Variants in PCDHGA5 observed in about 807,000 individuals in gnomAD.
The protein encoded by PCDHGA5 is protocadherin gamma subfamily A, 5, also known as protocadherin gamma-A5.
A neutral mutation model predicts 56.7 loss-of-function variants in PCDHGA5; 36 were observed. The ratio of observed to expected loss-of-function variants is 0.64; its 90% CI spans 0.49 to 0.84. The LOEUF is 0.84. PCDHGA5 is among the 40% of genes least tolerant of loss of function. The pLI is 0.00. For synonymous variants in PCDHGA5, 563 were observed against 520.2 expected, an observed-to-expected ratio of 1.08 and a Z score of -1.12; for missense variants, 1,305 against 1,201.5, an observed-to-expected ratio of 1.09 and a Z score of -1.27.
intron 1 of PCDHGA5, chr5:141,415,435 C>A: frequency 1.2e-6 from 2 of 1,614,202 alleles, no homozygotes; most frequent in Non-Finnish European, 8.5e-7. Context: ...TCGGGCTTTC[C>A]TGCAGACCTA....
Position 141,489,429 on chromosome 5 carries a change from G to A in PCDHGA5, c.2422-5378G>A. 1 of 1,614,140 alleles carries A rather than the reference G, an allele frequency of 6.2e-7. No individual in the cohort carries two copies. Among genetic ancestry groups the A allele is most frequent in the Non-Finnish European group, 8.5e-7 (1 of 1,180,036 alleles). ...AGATGACAGATCTGTTGAGCCGGCG[G>A]CTGCAATTGGGCTCTGAGGAGAATG... On this transcript the variant is annotated intron_variant, in intron 1 of 3. Transcript: ENST00000518069. The surrounding 1 kb of genome is among the most constrained non-coding windows in gnomAD (Gnocchi z 4.5).
intron 1 of PCDHGA5, chr5:141,372,770 C>A (rs776185691): frequency 6.2e-7 from 1 of 1,611,252 alleles, no homozygotes; most frequent in Non-Finnish European, 8.5e-7. Context: ...AAAGTAATGA[C>A]AATCCAGAAA....
intron 1 of PCDHGA5, chr5:141,374,267 C>A: frequency 6.2e-7 from 1 of 1,614,008 alleles, no homozygotes; most frequent in Non-Finnish European, 8.5e-7. Flanking sequence ...GTTGGCGGAG[C>A]ACGGAGTCCG....
chr5:141,373,804 T>C, intron 1 of PCDHGA5: 1 of 335,232 alleles, frequency 3.0e-6, no homozygotes, highest in Non-Finnish European at 5.4e-6. Flanking sequence ...ATCCTCTGTG[T>C]GATAGTTTCA....
chr5:141,390,043 C>T, intron 1 of PCDHGA5: 2 of 1,614,064 alleles, frequency 1.2e-6, no homozygotes, highest in Non-Finnish European at 8.5e-7. Flanking sequence ...TCCAGCCCCG[C>T]CTCCTGGAGC....
intron 1 of PCDHGA5, chr5:141,393,383 A>G: frequency 6.2e-7 from 1 of 1,614,000 alleles, no homozygotes; most frequent in Non-Finnish European, 8.5e-7. Flanking sequence ...ATGGAGCCAT[A>G]AACCCAGAGC....
At chr5:141,443,442 C>T (rs571341362) in intron 1 of PCDHGA5, among the ~76,000 whole-genome samples, 9 of 152,202 alleles carry the variant, frequency 5.9e-5, no homozygotes, top group East Asian at 1.9e-4. Context: ...GCTGTGGTTG[C>T]GCTCCTGTAC....
At chr5:141,436,778 G>A (rs2097846346) in intron 1 of PCDHGA5, among the ~76,000 whole-genome samples, 1 of 152,154 alleles carries the variant, frequency 6.6e-6, no homozygotes, top group African/African-American at 2.4e-5. Flanking sequence ...ATTTGTGGAT[G>A]GAAATAAAAC....
intron 1 of PCDHGA5, among the ~76,000 whole-genome samples, chr5:141,387,508 G>T (rs537615944): frequency 6.7e-4 from 102 of 152,312 alleles, no homozygotes; most frequent in African/African-American, 2.3e-3. Context: ...ATTTTTAGAC[G>T]TCATTAAATA....
At chr5:141,415,469 C>G (rs1247738517) in intron 1 of PCDHGA5, 1 of 1,614,090 alleles carries the variant, frequency 6.2e-7, no homozygotes, top group Non-Finnish European at 8.5e-7. Context: ...TCTCTCACCG[C>G]GGACTCGCGA....
intron 1 of PCDHGA5, among the ~76,000 whole-genome samples, chr5:141,382,529 T>C (rs1778264328): frequency 6.6e-6 from 1 of 152,222 alleles, no homozygotes; most frequent in South Asian, 2.1e-4. Flanking sequence ...TGTCTTAAAA[T>C]GGATTTTTAA....
intron 1 of PCDHGA5, chr5:141,418,919 G>C: frequency 6.2e-7 from 1 of 1,614,016 alleles, no homozygotes. Flanking sequence ...GTCACTCTCT[G>C]ATCAGATTAT....
At chr5:141,393,246 A>G (rs1434145740) in intron 1 of PCDHGA5, 2 of 1,613,694 alleles carry the variant, frequency 1.2e-6, no homozygotes, top group Non-Finnish European at 1.7e-6. Flanking sequence ...AATTAACGAA[A>G]TCGCGGTTCC....
chr5:141,392,690 G>T, intron 1 of PCDHGA5: 1 of 1,127,490 alleles, frequency 8.9e-7, no homozygotes, highest in Non-Finnish European at 1.2e-6. Flanking sequence ...AGCGAAACCC[G>T]ACCCCTGTTT....
At chr5:141,394,327 T>C (rs747533347) in intron 1 of PCDHGA5, 1 of 1,613,944 alleles carries the variant, frequency 6.2e-7, no homozygotes. Context: ...TCCTCGTATA[T>C]CTCCATCAAC....
intron 1 of PCDHGA5, among the ~76,000 whole-genome samples, chr5:141,397,274 G>A (rs565956732): frequency 6.6e-6 from 1 of 152,188 alleles, no homozygotes; most frequent in East Asian, 1.9e-4. Flanking sequence ...TACATCATAT[G>A]GGCAGTATAC....
In PCDHGA5 at chr5:141,428,010, G is replaced by C. The variant is rs544491298; in HGVS notation, c.2421+61259G>C. The C allele has an allele frequency of 1.2e-4, 192 of 1,603,004 alleles. 6 individuals are homozygous for C. In the South Asian group the frequency reaches 2.0e-3, roughly 17 times the overall value. ...CGATGGCTCCGCACTCTTCGATATA[G>C]TGCCACGCGCCGCAGAGTCCGGCTA... On this transcript the variant is annotated intron_variant, in intron 1 of 3. Transcript: ENST00000518069.
chr5:141,389,742 C>T (rs1477462199), intron 1 of PCDHGA5: 2 of 1,612,602 alleles, frequency 1.2e-6, no homozygotes, highest in Non-Finnish European at 1.7e-6. Context: ...CCTGGGGCTG[C>T]GCACGGGCGA....
intron 1 of PCDHGA5, among the ~76,000 whole-genome samples, chr5:141,455,407 A>T (rs1273781307): frequency 1.3e-5 from 2 of 152,174 alleles, no homozygotes; most frequent in Non-Finnish European, 2.9e-5. Context: ...TTACAGAGAC[A>T]GAGGGAGCGG....
Sources: allele counts gnomAD v4.1 joint callset (sites outside exome capture counted in the v4.1 genomes callset), GRCh38; gene constraint gnomAD v4.1.1; non-coding constraint Gnocchi (gnomAD v3.1); transcripts MANE v1.5; gene names NCBI Gene and HGNC (gene_info 2026-07-23, HGNC 2026-07-21).